Variants in KLHL2 observed in about 807,000 individuals in gnomAD.
KLHL2 encodes the protein kelch like family member 2.
Under a neutral mutation model 75.8 loss-of-function variants are expected in KLHL2, and 15 were observed. That is an observed-to-expected ratio of 0.20 (90% CI 0.13 to 0.30). The LOEUF is 0.30. KLHL2 is among the 10% of genes least tolerant of loss of function. The pLI, the probability that KLHL2 is intolerant of heterozygous loss-of-function variation, is 1.00. For missense variants in KLHL2, 381 were observed against 741.0 expected (o/e 0.51, Z 5.64); for synonymous variants, 214 against 251.9 (o/e 0.85, Z 1.42).
At chr4:165,230,079 C>T (rs960828803) in intron 3 of KLHL2, among the ~76,000 whole-genome samples, 6 of 152,246 alleles carry the variant, frequency 3.9e-5, no homozygotes, top group Admixed American at 2.6e-4. Context: ...AGTCAATACC[C>T]GTGAAGTGAG....
intron 1 of KLHL2, chr4:165,210,313 G>C: frequency 1.1e-6 from 1 of 896,196 alleles, no homozygotes; most frequent in Non-Finnish European, 1.8e-6. Context: ...ATCCCACCTT[G>C]TTCTCCACTG....
chr4:165,279,303 G>A (rs1487501511), intron 5 of KLHL2: 1 of 1,548,842 alleles, frequency 6.5e-7, no homozygotes, highest in Non-Finnish European at 8.9e-7. Flanking sequence ...CTTAGATCAA[G>A]CCACACCACA....
intron 5 of KLHL2, among the ~76,000 whole-genome samples, chr4:165,288,981 G>A (rs1183518458): frequency 6.6e-6 from 1 of 152,010 alleles, no homozygotes; most frequent in African/African-American, 2.4e-5. Flanking sequence ...AATAGTGATT[G>A]GCATCAAGAA....
At chr4:165,274,237 G>A (rs1742901322) in intron 5 of KLHL2, among the ~76,000 whole-genome samples, 1 of 151,958 alleles carries the variant, frequency 6.6e-6, no homozygotes, top group Non-Finnish European at 1.5e-5. Context: ...AGAAGCTGAG[G>A]GAAAAAAGGA....
At chr4:165,244,283 T>C (rs2111129819) in intron 4 of KLHL2, among the ~76,000 whole-genome samples, 1 of 152,356 alleles carries the variant, frequency 6.6e-6, no homozygotes, top group South Asian at 2.1e-4. Flanking sequence ...ACTTAAATTG[T>C]GTAATTTCAA....
intron 4 of KLHL2, among the ~76,000 whole-genome samples, chr4:165,241,819 A>G (rs978088841): frequency 1.3e-5 from 2 of 152,156 alleles, no homozygotes; most frequent in African/African-American, 4.8e-5. Context: ...TTTAAACAAT[A>G]TAATACCTAT....
At position 165,279,664 on chromosome 4, in the gene KLHL2, G is replaced by T. The variant is rs749774141; in HGVS notation, c.545-14695G>T. On this transcript the variant is annotated intron_variant, in intron 5 of 14. Coordinates refer to ENST00000226725, the MANE Select transcript of KLHL2 (RefSeq NM_007246.4). Reference sequence around the variant, plus strand: ...CTGCCATGAAACCAGCTTCAGGTCCGCCCGCGTTTGCGGCCGGTTTCCTGG... The same window carrying T: ...CTGCCATGAAACCAGCTTCAGGTCCTCCCGCGTTTGCGGCCGGTTTCCTGG... The T allele has an allele frequency of 4.4e-6, 7 of 1,605,600 alleles. No individual in the cohort carries two copies. The South Asian group carries it at 4.4e-5, about 10-fold the overall frequency.
At chr4:165,234,697 C>G (rs1739187615) in intron 3 of KLHL2, among the ~76,000 whole-genome samples, 1 of 148,342 alleles carries the variant, frequency 6.7e-6, no homozygotes, top group Admixed American at 6.8e-5. Flanking sequence ...TCACTGCAGC[C>G]TCCGTCTCCC....
rs531229083 is a variant in KLHL2, at chr4:165,255,587, T to C, written c.382-7610T>C. On this transcript the variant is annotated intron_variant, in intron 4 of 14. Transcript: ENST00000226725. ...CATAGGAAATGTTTGTCCTTGGCACTCTGCCATCTCCTTATTCATACTTCT... is the reference window on the plus strand; with the variant it reads ...CATAGGAAATGTTTGTCCTTGGCACCCTGCCATCTCCTTATTCATACTTCT... Among the ~76,000 whole-genome samples the C allele has an allele frequency of 2.6e-3, 396 of 152,274 alleles. 4 individuals are homozygous for C. Among genetic ancestry groups the C allele is most frequent in the African/African-American group, 8.6e-3 (356 of 41,566 alleles).
At chr4:165,286,470 G>C (rs1334112422) in intron 5 of KLHL2, among the ~76,000 whole-genome samples, 3 of 152,102 alleles carry the variant, frequency 2.0e-5, no homozygotes, top group Non-Finnish European at 2.9e-5. Context: ...GAGGCTGAAG[G>C]CAGGCAGGAC....
chr4:165,228,065 T>C (rs1459763088), intron 2 of KLHL2, among the ~76,000 whole-genome samples: 2 of 152,224 alleles, frequency 1.3e-5, no homozygotes, highest in African/African-American at 4.8e-5. Flanking sequence ...GCCTGGCTAA[T>C]ATTTGTATTT....
intron 5 of KLHL2, among the ~76,000 whole-genome samples, chr4:165,265,933 AC>A (rs1168090896): frequency 1.3e-5 from 2 of 152,206 alleles, no homozygotes; most frequent in Non-Finnish European, 2.9e-5. Flanking sequence ...TTACACTCCC[AC>A]CAACAGTGTA....
intron 5 of KLHL2, among the ~76,000 whole-genome samples, chr4:165,289,275 T>C (rs1260117198): frequency 1.3e-5 from 2 of 152,310 alleles, no homozygotes; most frequent in Admixed American, 1.3e-4. Flanking sequence ...CTCTATATTT[T>C]AGTAATGCTC....
chr4:165,318,349 G>A (rs919168995), intron 14 of KLHL2, among the ~76,000 whole-genome samples: 1 of 152,150 alleles, frequency 6.6e-6, no homozygotes, highest in African/African-American at 2.4e-5. Flanking sequence ...GTATTATAGT[G>A]AGGCTGTGGA....
rs1247525446 is a variant in KLHL2, at chr4:165,207,692, G to T, written c.-185G>T. 1 of 201,224 alleles carries T rather than the reference G, an allele frequency of 5.0e-6. No homozygotes were observed. Among genetic ancestry groups the T allele is most frequent in the African/African-American group, 2.4e-5 (1 of 42,156 alleles). 12.5% of individuals were successfully genotyped at this position (201,224 alleles called of 1,614,324 possible). On this transcript the variant is annotated 5_prime_UTR_variant, in exon 1 of 15. Coordinates refer to ENST00000226725, the MANE Select transcript of KLHL2 (RefSeq NM_007246.4). This position sits in a 1 kb window ranked among gnomAD's most constrained non-coding sequence, Gnocchi z 4.2. Reference sequence around the variant, plus strand: ...GCCGCGCAGTAGACGGAGCGCGCCCGGCCGAGCGGGCCATGGCCGCGGGGG... The same window carrying T: ...GCCGCGCAGTAGACGGAGCGCGCCCTGCCGAGCGGGCCATGGCCGCGGGGG...
At chr4:165,229,197 T>G (rs1381937517) in intron 3 of KLHL2, among the ~76,000 whole-genome samples, 1 of 152,240 alleles carries the variant, frequency 6.6e-6, no homozygotes, top group Non-Finnish European at 1.5e-5. Context: ...TTTTTGGCAC[T>G]TTATTATTTT....
intron 5 of KLHL2, among the ~76,000 whole-genome samples, chr4:165,265,649 G>A (rs1256609650): frequency 1.3e-5 from 2 of 152,022 alleles, no homozygotes; most frequent in African/African-American, 2.4e-5. Context: ...CAAAGGACAC[G>A]AACTCATCCT....
At chr4:165,229,311 A>C (rs1464155316) in intron 3 of KLHL2, among the ~76,000 whole-genome samples, 1 of 152,228 alleles carries the variant, frequency 6.6e-6, no homozygotes, top group Non-Finnish European at 1.5e-5. Flanking sequence ...TTCATTTGGA[A>C]ATATAAGAAA....
intron 1 of KLHL2, among the ~76,000 whole-genome samples, chr4:165,218,245 T>C (rs991785311): frequency 2.0e-5 from 3 of 152,194 alleles, no homozygotes; most frequent in Admixed American, 6.6e-5. Context: ...TCTTTTGCAG[T>C]GTCTCCTCAT....
Sources: allele counts gnomAD v4.1 joint callset (sites outside exome capture counted in the v4.1 genomes callset), GRCh38; gene constraint gnomAD v4.1.1; non-coding constraint Gnocchi (gnomAD v3.1); transcripts MANE v1.5; gene names NCBI Gene and HGNC (gene_info 2026-07-23, HGNC 2026-07-21).